NR6A1: variants seen among roughly 807,000 people sequenced by gnomAD.
NR6A1 encodes the protein retinoic acid receptor-related testis-associated receptor.
A neutral mutation model predicts 59.1 loss-of-function variants in NR6A1; 7 were observed. That is an observed-to-expected ratio of 0.12 (90% CI 0.07 to 0.22). NR6A1 has a LOEUF of 0.22. Among genes scored for constraint, NR6A1 ranks in the 10% least tolerant of loss-of-function variants. The probability of loss-of-function intolerance (pLI) is 1.00; values close to 1 mark genes in which losing one functional copy is unlikely to be tolerated. For synonymous variants in NR6A1, 243 were observed against 236.1 expected, an observed-to-expected ratio of 1.03 and a Z score of -0.27; for missense variants, 468 against 611.6, an observed-to-expected ratio of 0.77 and a Z score of 2.48.
At chr9:124,660,840 A>G (rs1053989356) in intron 2 of NR6A1, among the ~76,000 whole-genome samples, 6 of 152,186 alleles carry the variant, frequency 3.9e-5, no homozygotes, top group Admixed American at 1.3e-4. Context: ...TATCAAAAGC[A>G]TCCAGAGTTG....
At chr9:124,568,813 G>A (rs554383765) in intron 2 of NR6A1, among the ~76,000 whole-genome samples, 1 of 151,776 alleles carries the variant, frequency 6.6e-6, no homozygotes, top group Admixed American at 6.5e-5. Context: ...GGTATGGCAG[G>A]TATCAAGACT....
chr9:124,551,136 C>T (rs1275077379), intron 3 of NR6A1, among the ~76,000 whole-genome samples: 1 of 152,084 alleles, frequency 6.6e-6, no homozygotes, highest in African/African-American at 2.4e-5. Context: ...TTGGAATCAA[C>T]CAGTTTTCCA....
intron 2 of NR6A1, among the ~76,000 whole-genome samples, chr9:124,653,905 AT>A (rs1179421038): frequency 1.3e-5 from 2 of 152,228 alleles, no homozygotes; most frequent in Non-Finnish European, 2.9e-5. Context: ...GTCAGCCAAC[AT>A]TATGTGCCGA....
At chr9:124,624,838 C>G (rs2130867309) in intron 2 of NR6A1, among the ~76,000 whole-genome samples, 1 of 152,152 alleles carries the variant, frequency 6.6e-6, no homozygotes. Context: ...AAAATAACAG[C>G]CTTGAACATG....
chr9:124,554,669 A>G, intron 2 of NR6A1, 99 bp from the exon 3 acceptor site: 3 of 1,493,832 alleles, frequency 2.0e-6, no homozygotes, highest in Non-Finnish European at 2.7e-6. Context: ...GACCACCACT[A>G]TCTCCAGGCT....
chr9:124,678,208 T>TA (rs1838021833), intron 2 of NR6A1, among the ~76,000 whole-genome samples: 1 of 152,218 alleles, frequency 6.6e-6, no homozygotes, highest in South Asian at 2.1e-4. Flanking sequence ...CTCCCATGCC[T>TA]AGAGGCTGAC....
At chr9:124,763,986 C>A (rs964591651) in intron 1 of NR6A1, among the ~76,000 whole-genome samples, 12 of 152,038 alleles carry the variant, frequency 7.9e-5, no homozygotes, top group African/African-American at 2.4e-4. Flanking sequence ...GAGTTCGAAA[C>A]CAGCCTGGCC....
chr9:124,545,878 G>A (rs1833580266), intron 3 of NR6A1, among the ~76,000 whole-genome samples: 1 of 152,206 alleles, frequency 6.6e-6, no homozygotes, highest in Non-Finnish European at 1.5e-5. Context: ...CACTTTGGAA[G>A]GCTGAGGAGG....
chr9:124,691,832 A>G (rs968351651), intron 2 of NR6A1, among the ~76,000 whole-genome samples: 2 of 152,188 alleles, frequency 1.3e-5, no homozygotes, highest in Non-Finnish European at 2.9e-5. Flanking sequence ...ATCTTCCCCT[A>G]TGACCTCACC....
At chr9:124,654,051 A>G (rs1331809226) in intron 2 of NR6A1, among the ~76,000 whole-genome samples, 1 of 152,238 alleles carries the variant, frequency 6.6e-6, no homozygotes, top group Non-Finnish European at 1.5e-5. Context: ...TGCTGGAAGA[A>G]GCTCTCGTTG....
chr9:124,707,254 C>A (rs1002037417), intron 2 of NR6A1, among the ~76,000 whole-genome samples: 8 of 152,102 alleles, frequency 5.3e-5, no homozygotes, highest in African/African-American at 1.9e-4. Context: ...TTCACCAATT[C>A]TTTCATCACC....
At chr9:124,750,414 T>C (rs1047518314) in intron 1 of NR6A1, among the ~76,000 whole-genome samples, 11 of 152,134 alleles carry the variant, frequency 7.2e-5, no homozygotes, top group Non-Finnish European at 1.5e-4. Flanking sequence ...ACATCACAAA[T>C]TGGCTTTGGA....
At chr9:124,675,254 A>T (rs1837919314) in intron 2 of NR6A1, among the ~76,000 whole-genome samples, 1 of 152,252 alleles carries the variant, frequency 6.6e-6, no homozygotes, top group South Asian at 2.1e-4. Context: ...TACAAAGCAA[A>T]CAAAATACTA....
Position 124,535,915 on chromosome 9 carries a change from T to A in NR6A1, c.1042A>T (p.Thr348Ser). The A allele has an allele frequency of 6.2e-7, 1 of 1,614,192 alleles. No homozygotes were observed. The highest frequency in any genetic ancestry group is 8.5e-7 in the Non-Finnish European group (1 of 1,180,036). The change falls in exon 7 of 10, where the codon ACT (threonine) becomes TCT (serine). Residue 348 changes from threonine to serine, a missense_variant. Physicochemically the swap from Thr to Ser is moderately conservative, Grantham distance 58. Around this residue, in one of 4 missense-constraint regions of NR6A1, gnomAD observed 176 missense variants for 264.0 expected, o/e 0.67. Transcript: ENST00000487099. ...KQIFGELADVTAKYSPSDEEL... is the reference protein window; with the variant it reads ...KQIFGELADVSAKYSPSDEEL... Reference sequence around the variant, plus strand: ...TCATCGGAGGGCGAGTACTTGGCAGTGACATCAGCCAGTTCCCCAAAGATC... The same window carrying A: ...TCATCGGAGGGCGAGTACTTGGCAGAGACATCAGCCAGTTCCCCAAAGATC...
intron 2 of NR6A1, among the ~76,000 whole-genome samples, chr9:124,630,078 G>C (rs1163955471): frequency 6.6e-6 from 1 of 152,068 alleles, no homozygotes; most frequent in Non-Finnish European, 1.5e-5. Context: ...GACAGTTCCA[G>C]ATCAAAGCAA....
chr9:124,750,734 T>C (rs1249924051), intron 1 of NR6A1, among the ~76,000 whole-genome samples: 1 of 151,924 alleles, frequency 6.6e-6, no homozygotes, highest in Non-Finnish European at 1.5e-5. Flanking sequence ...CACTCCAGCC[T>C]GGGTGACAGA....
At chr9:124,679,805 G>A (rs1279472565) in intron 2 of NR6A1, among the ~76,000 whole-genome samples, 1 of 151,738 alleles carries the variant, frequency 6.6e-6, no homozygotes, top group East Asian at 1.9e-4. Context: ...GCTAAGGTAG[G>A]AGGATAGCTT....
At chr9:124,614,953 A>G (rs1835846946) in intron 2 of NR6A1, among the ~76,000 whole-genome samples, 2 of 152,216 alleles carry the variant, frequency 1.3e-5, no homozygotes, top group Admixed American at 1.3e-4. Context: ...TCCCAGTGAT[A>G]TAACTGGATT....
chr9:124,676,948 T>G (rs1183045479), intron 2 of NR6A1, among the ~76,000 whole-genome samples: 4 of 152,182 alleles, frequency 2.6e-5, no homozygotes, highest in Non-Finnish European at 4.4e-5. Flanking sequence ...TATTCAAGAC[T>G]GAAAAGAATT....
Sources: allele counts gnomAD v4.1 joint callset (sites outside exome capture counted in the v4.1 genomes callset), GRCh38; gene constraint gnomAD v4.1.1; regional missense constraint gnomAD v4.1.1; transcripts MANE v1.5; gene names NCBI Gene and HGNC (gene_info 2026-07-23, HGNC 2026-07-21).